MAD1L1: variants seen among roughly 807,000 people sequenced by gnomAD.
MAD1L1 encodes the protein mitotic spindle assembly checkpoint protein MAD1.
Under a neutral mutation model 96.9 loss-of-function variants are expected in MAD1L1, and 95 were observed. That is an observed-to-expected ratio of 0.98 (90% confidence interval 0.83 to 1.16). The LOEUF (loss-of-function observed/expected upper bound fraction) is 1.16, where lower values mean the gene tolerates loss of function less well. Ranked by LOEUF, MAD1L1 falls within the 50% of genes most tolerant of loss-of-function variation. The probability of loss-of-function intolerance (pLI) is 0.00; values close to 1 mark genes in which losing one functional copy is unlikely to be tolerated. For synonymous variants in MAD1L1, 473 were observed against 396.6 expected (o/e 1.19, Z -2.29); for missense variants, 1,007 against 954.4 (o/e 1.06, Z -0.73).
chr7:1,856,633 G>A (rs1036093055), intron 18 of MAD1L1, among the ~76,000 whole-genome samples: 8 of 152,208 alleles, frequency 5.3e-5, no homozygotes, highest in Non-Finnish European at 1.0e-4. Flanking sequence ...AAGTTCAGGA[G>A]GAGCTGCTCG....
Position 2,048,152 on chromosome 7 carries a change from G to A in MAD1L1, c.1218+21042C>T, listed in dbSNP as rs529798092. Among the ~76,000 whole-genome samples the A allele has an allele frequency of 7.4e-4, 113 of 152,272 alleles. 1 individual carries two copies. Among genetic ancestry groups the A allele is most frequent in the African/African-American group, 2.5e-3 (105 of 41,544 alleles). ...TGTGCATGCATGCACACTGAGCACCGACACGGGTGTGTTCATGAACACCCG... is the reference window on the plus strand; with the variant it reads ...TGTGCATGCATGCACACTGAGCACCAACACGGGTGTGTTCATGAACACCCG... On this transcript the variant is annotated intron_variant, in intron 12 of 18. Transcript: ENST00000265854.
In MAD1L1 at chr7:2,088,884, C is replaced by G. The variant is rs912945648; in HGVS notation, c.1074-19546G>C. The G allele has an allele frequency of 6.6e-6, 1 of 152,378 alleles. No homozygotes were observed. The highest frequency in any genetic ancestry group is 6.5e-5 in the Admixed American group (1 of 15,290). The allele number at this position is 152,378 out of a possible 1,614,324, so 9.4% of individuals were successfully genotyped here. A position where few individuals can be genotyped will look rare whatever the true frequency, so the allele number is the denominator to read the frequency against. On this transcript the variant is annotated intron_variant, in intron 11 of 18. Coordinates refer to ENST00000265854, the MANE Select transcript of MAD1L1 (RefSeq NM_001013836.2). The surrounding 1 kb of genome is among the most constrained non-coding windows in gnomAD (Gnocchi z 4.4). ...CCCTCTGCCACCGACCCGCACGCCT[C>G]CCACACAAGCTGCCAGGCCCACGGT...
At chr7:2,221,310 G>A (rs894048313) in intron 5 of MAD1L1, among the ~76,000 whole-genome samples, 16 of 152,252 alleles carry the variant, frequency 1.1e-4, no homozygotes, top group Middle Eastern at 3.4e-3. Context: ...CAGCACATGG[G>A]AACTGGAACC....
chr7:2,189,228 G>A (rs1158134286), intron 10 of MAD1L1, among the ~76,000 whole-genome samples: 4 of 152,178 alleles, frequency 2.6e-5, no homozygotes, highest in Admixed American at 6.5e-5. Context: ...TGATGAGAAC[G>A]TAAAATGGTA....
chr7:1,981,367 A>G (rs1369202290), intron 14 of MAD1L1, among the ~76,000 whole-genome samples: 1 of 152,172 alleles, frequency 6.6e-6, no homozygotes, highest in African/African-American at 2.4e-5. Flanking sequence ...TGCGGGCTCA[A>G]GGAAGAGCAG....
chr7:1,831,032 G>T (rs1782676965), intron 18 of MAD1L1, among the ~76,000 whole-genome samples: 1 of 152,292 alleles, frequency 6.6e-6, no homozygotes, highest in Non-Finnish European at 1.5e-5. Context: ...TAGATTAAAA[G>T]TAACGTGAAG....
At chr7:2,138,331 G>A (rs1236059950) in intron 11 of MAD1L1, among the ~76,000 whole-genome samples, 3 of 152,204 alleles carry the variant, frequency 2.0e-5, no homozygotes, top group Non-Finnish European at 4.4e-5. Flanking sequence ...CGCTCAGCAG[G>A]CTGGCGGTGG....
chr7:2,148,983 G>T (rs1319975770), intron 11 of MAD1L1, among the ~76,000 whole-genome samples, 169 bp downstream of exon 11: 1 of 152,100 alleles, frequency 6.6e-6, no homozygotes, highest in East Asian at 1.9e-4. Context: ...TGGAAACATG[G>T]GGCAAACCCT....
chr7:2,060,054 G>A (rs777565828), intron 12 of MAD1L1, among the ~76,000 whole-genome samples: 9 of 151,934 alleles, frequency 5.9e-5, no homozygotes, highest in South Asian at 2.1e-4. Flanking sequence ...GAGATACACC[G>A]ATGCCGAGGT....
intron 12 of MAD1L1, among the ~76,000 whole-genome samples, chr7:2,027,205 CA>C (rs1204619304): frequency 1.3e-5 from 2 of 152,040 alleles, no homozygotes; most frequent in East Asian, 3.8e-4. Flanking sequence ...TAAAATAAAT[CA>C]AGCCCAAATT....
intron 11 of MAD1L1, among the ~76,000 whole-genome samples, chr7:2,144,810 A>G (rs1789211803): frequency 6.6e-6 from 1 of 152,108 alleles, no homozygotes; most frequent in African/African-American, 2.4e-5. Flanking sequence ...CAGGAGGTCC[A>G]TTCTCAGATT....
At chr7:2,163,412 C>T (rs1257480022) in intron 10 of MAD1L1, among the ~76,000 whole-genome samples, 10 of 152,142 alleles carry the variant, frequency 6.6e-5, no homozygotes, top group Non-Finnish European at 4.4e-5. Flanking sequence ...CTCACTCTGT[C>T]GCCCAGGCTG....
chr7:2,109,467 T>C (rs1162951023), intron 11 of MAD1L1: 1 of 152,100 alleles, frequency 6.6e-6, no homozygotes, highest in Non-Finnish European at 1.5e-5. Context: ...TCAACTCACT[T>C]CCTATGTTTG....
chr7:2,224,715 C>G, intron 4 of MAD1L1, among the ~76,000 whole-genome samples: 1 of 152,198 alleles, frequency 6.6e-6, no homozygotes. Flanking sequence ...CTGATCAGCA[C>G]TGACTGAAAC....
intron 14 of MAD1L1, among the ~76,000 whole-genome samples, chr7:1,994,558 A>G (rs3857706): frequency 0.51 from 78,004 of 152,006 alleles, 21,668 homozygotes; most frequent in East Asian, 0.67. Context: ...CACAGCAGGA[A>G]GGAGGTGGGC....
At chr7:2,189,743 G>A (rs13222849) in intron 10 of MAD1L1, among the ~76,000 whole-genome samples, 2,631 of 152,262 alleles carry the variant, frequency 0.017, 27 homozygotes, top group Non-Finnish European at 0.026. Flanking sequence ...CAATATGAAT[G>A]TTCTTAAAGC....
chr7:2,014,316 G>A (rs1027370634), intron 13 of MAD1L1, among the ~76,000 whole-genome samples, 186 bp downstream of exon 13: 26 of 152,122 alleles, frequency 1.7e-4, no homozygotes, highest in African/African-American at 6.3e-4. Context: ...AGGTGCCATC[G>A]TGAGAATTAA....
chr7:1,890,982 C>T lies in MAD1L1; in HGVS notation c.1998+7218G>A, dbSNP rs558150496. ...ACAGACGCCAGCAGCGGGCTCTGTGCGGGACCTCGGCGGGATCAGACAGAC... is the reference window on the plus strand; with the variant it reads ...ACAGACGCCAGCAGCGGGCTCTGTGTGGGACCTCGGCGGGATCAGACAGAC... On this transcript the variant is annotated intron_variant, in intron 18 of 18. Coordinates refer to ENST00000265854, the MANE Select transcript of MAD1L1 (RefSeq NM_001013836.2). Among the ~76,000 whole-genome samples the T allele has an allele frequency of 6.6e-5, 10 of 152,292 alleles. No individual in the cohort carries two copies. In the South Asian group the frequency reaches 8.3e-4, roughly 13 times the overall value.
At chr7:1,966,801 G>A (rs1780188114) in intron 15 of MAD1L1, among the ~76,000 whole-genome samples, 1 of 152,260 alleles carries the variant, frequency 6.6e-6, no homozygotes, top group Non-Finnish European at 1.5e-5. Context: ...CGCCGCAATC[G>A]TGGCGTGCTG....
Sources: allele counts gnomAD v4.1 joint callset (sites outside exome capture counted in the v4.1 genomes callset), GRCh38; gene constraint gnomAD v4.1.1; non-coding constraint Gnocchi (gnomAD v3.1); transcripts MANE v1.5; gene names NCBI Gene and HGNC (gene_info 2026-07-23, HGNC 2026-07-21).